Variants in KLHL7 observed in about 807,000 individuals in gnomAD.
The protein encoded by KLHL7 is kelch-like protein 7.
KLHL7 carries 44 observed loss-of-function variants against 67.4 expected under a neutral mutation model. The ratio of observed to expected loss-of-function variants is 0.65; its 90% CI spans 0.51 to 0.84. KLHL7 has a LOEUF of 0.84. Ranked by LOEUF, KLHL7 falls within the 40% of genes least tolerant of loss-of-function variation. The pLI, the probability that KLHL7 is intolerant of heterozygous loss-of-function variation, is 0.00. For synonymous variants in KLHL7, 252 were observed against 243.3 expected, an observed-to-expected ratio of 1.04 and a Z score of -0.33; for missense variants, 362 against 718.1, an observed-to-expected ratio of 0.50 and a Z score of 5.67.
intron 4 of KLHL7, among the ~76,000 whole-genome samples, chr7:23,131,099 C>A (rs1783781376): frequency 6.6e-6 from 1 of 152,154 alleles, no homozygotes; most frequent in African/African-American, 2.4e-5. Context: ...ATTTAAAAAT[C>A]CGAATCATTT....
At chr7:23,141,040 A>G in intron 5 of KLHL7, 96 bp downstream of exon 5, 1 of 1,049,396 alleles carries the variant, frequency 9.5e-7, no homozygotes, top group Non-Finnish European at 1.5e-6. Flanking sequence ...AAAGAGTCAT[A>G]TTAGGAAAGA....
At chr7:23,152,892 G>A (rs116922788) in intron 7 of KLHL7, among the ~76,000 whole-genome samples, 5,201 of 152,252 alleles carry the variant, frequency 0.034, 117 homozygotes, top group Admixed American at 0.057. Flanking sequence ...TACATGTATT[G>A]CTGGGGAAGA....
At chr7:23,146,918 T>G (rs895825248) in intron 6 of KLHL7, among the ~76,000 whole-genome samples, 4 of 152,140 alleles carry the variant, frequency 2.6e-5, no homozygotes, top group African/African-American at 9.7e-5. Flanking sequence ...TCTACTTCAT[T>G]CTAATACCTT....
chr7:23,172,710 A>C (rs1583741854), intron 9 of KLHL7: 2 of 374,400 alleles, frequency 5.3e-6, no homozygotes, highest in Admixed American at 4.1e-5. Context: ...AGATATCCTC[A>C]TTTTCTTATA....
chr7:23,140,457 T>C (rs755157859), intron 4 of KLHL7, among the ~76,000 whole-genome samples: 1 of 152,156 alleles, frequency 6.6e-6, no homozygotes, highest in Non-Finnish European at 1.5e-5. Context: ...CTCGGGAGGC[T>C]GAGGCAGGAG....
chr7:23,168,333 T>C (rs1785061853), intron 9 of KLHL7, among the ~76,000 whole-genome samples: 1 of 152,194 alleles, frequency 6.6e-6, no homozygotes, highest in South Asian at 2.1e-4. Context: ...ATGTTTTTGT[T>C]TGAGCGGTCA....
chr7:23,132,089 A>AT (rs1783823940), intron 4 of KLHL7, among the ~76,000 whole-genome samples: 1 of 152,120 alleles, frequency 6.6e-6, no homozygotes, highest in Non-Finnish European at 1.5e-5. Context: ...AATCTTAGCT[A>AT]TTGTAGACAG....
chr7:23,156,959 C>T (rs998471992), intron 7 of KLHL7, among the ~76,000 whole-genome samples: 1 of 152,086 alleles, frequency 6.6e-6, no homozygotes, highest in Non-Finnish European at 1.5e-5. Flanking sequence ...TAACTTGGGA[C>T]ACATTTTCCT....
chr7:23,166,858 T>C (rs1785017653), intron 8 of KLHL7, among the ~76,000 whole-genome samples: 1 of 152,104 alleles, frequency 6.6e-6, no homozygotes, highest in African/African-American at 2.4e-5. Flanking sequence ...GCTTAAGTAG[T>C]AGTTTTTTTT....
intron 9 of KLHL7, chr7:23,171,202 C>A: frequency 3.0e-6 from 1 of 333,944 alleles, no homozygotes; most frequent in Non-Finnish European, 6.1e-6. Context: ...CGCTTCTAAA[C>A]ATTAAACTTC....
At chr7:23,142,300 A>G (rs1280379725) in intron 5 of KLHL7, among the ~76,000 whole-genome samples, 1 of 152,230 alleles carries the variant, frequency 6.6e-6, no homozygotes, top group African/African-American at 2.4e-5. Flanking sequence ...CAACAGCAAT[A>G]GAAAACTAAT....
chr7:23,145,922 A>G (rs1784341454), intron 6 of KLHL7, among the ~76,000 whole-genome samples: 1 of 151,894 alleles, frequency 6.6e-6, no homozygotes, highest in Non-Finnish European at 1.5e-5. Context: ...TGTCAAGATG[A>G]TGTCTCGCTA....
chr7:23,128,452 G>C (rs1324084760), intron 4 of KLHL7, among the ~76,000 whole-genome samples: 1 of 86,572 alleles, frequency 1.2e-5, no homozygotes. Context: ...AAAAAAAAAA[G>C]AACTTTAACT....
chr7:23,114,636 T>C (rs1025385043), intron 1 of KLHL7, among the ~76,000 whole-genome samples: 2 of 152,234 alleles, frequency 1.3e-5, no homozygotes, highest in African/African-American at 4.8e-5. Flanking sequence ...TAAATGCTTA[T>C]GTGGCTACTT....
At chr7:23,145,928 C>T (rs1474553990) in intron 6 of KLHL7, among the ~76,000 whole-genome samples, 2 of 152,090 alleles carry the variant, frequency 1.3e-5, no homozygotes, top group African/African-American at 4.8e-5. Flanking sequence ...GATGATGTCT[C>T]GCTATCTTGT....
In KLHL7 at chr7:23,105,930, A is replaced by G; in HGVS notation, c.-97A>G. Reference sequence around the variant, plus strand: ...GCTGGGCGCTGCAGCTGCACTGCCGATCGCCGTGTTTGGTCGATAGAATCC... The same window carrying G: ...GCTGGGCGCTGCAGCTGCACTGCCGGTCGCCGTGTTTGGTCGATAGAATCC... On this transcript the variant is annotated 5_prime_UTR_variant, in exon 1 of 11. Transcript: ENST00000339077. 2.0e-6 allele frequency: 3 copies of G among 1,532,872 alleles called. No homozygotes were observed. Among genetic ancestry groups the G allele is most frequent in the Non-Finnish European group, 2.6e-6 (3 of 1,139,664 alleles). 95.0% of individuals were successfully genotyped at this position (1,532,872 alleles called of 1,614,324 possible). A position where few individuals can be genotyped will look rare whatever the true frequency, so the allele number is the denominator to read the frequency against.
chr7:23,150,857 AC>A (rs1784509575), intron 6 of KLHL7, among the ~76,000 whole-genome samples: 1 of 152,154 alleles, frequency 6.6e-6, no homozygotes, highest in Non-Finnish European at 1.5e-5. Flanking sequence ...TAACTAGAGC[AC>A]TCAAGCATCT....
At chr7:23,169,423 T>A (rs1785092406) in intron 9 of KLHL7, among the ~76,000 whole-genome samples, 1 of 152,218 alleles carries the variant, frequency 6.6e-6, no homozygotes, top group Non-Finnish European at 1.5e-5. Context: ...GAAATTTGTC[T>A]TTTGCTAAAG....
At chr7:23,132,425 A>T (rs190531038) in intron 4 of KLHL7, among the ~76,000 whole-genome samples, 29 of 152,306 alleles carry the variant, frequency 1.9e-4, no homozygotes, top group African/African-American at 6.7e-4. Flanking sequence ...ATACCTTTTC[A>T]TAAGTCTGTT....
Sources: gnomAD v4.1 joint callset for allele counts (sites outside exome capture counted in the v4.1 genomes callset) on GRCh38, gnomAD v4.1.1 for gene constraint, MANE v1.5 for transcripts, NCBI Gene and HGNC (gene_info 2026-07-23, HGNC 2026-07-21) for gene names.